Variants in ACAP2 observed in about 807,000 individuals in gnomAD.
The protein encoded by ACAP2 is ArfGAP with coiled-coil, ankyrin repeat and PH domains 2.
Under a neutral mutation model 115.8 loss-of-function variants are expected in ACAP2, and 39 were observed. The observed-to-expected ratio is 0.34, with a 90% confidence interval of 0.26 to 0.44. The LOEUF (loss-of-function observed/expected upper bound fraction) is 0.44, where lower values mean the gene tolerates loss of function less well. ACAP2 is among the 20% of genes least tolerant of loss of function. The probability of loss-of-function intolerance (pLI) is 1.00; values close to 1 mark genes in which losing one functional copy is unlikely to be tolerated. For missense variants in ACAP2, 662 were observed against 927.6 expected, an observed-to-expected ratio of 0.71 and a Z score of 3.72; for synonymous variants, 289 against 315.8, an observed-to-expected ratio of 0.92 and a Z score of 0.90.
chr3:195,287,463 C>G lies in ACAP2; in HGVS notation c.2175-1606G>C, dbSNP rs1726919385. On this transcript the variant is annotated intron_variant, in intron 21 of 22. Coordinates refer to ENST00000326793, the MANE Select transcript of ACAP2 (RefSeq NM_012287.6). The stretch of plus-strand genomic sequence containing the variant: ...CCTCCCAAGTAGCTACGACTACACG[C>G]ATGTGCCACCACACCCGGCTAATTT... Among the ~76,000 whole-genome samples, 5 of 151,838 alleles carry G rather than the reference C, an allele frequency of 3.3e-5. No homozygotes were observed. In the South Asian group the frequency reaches 1.0e-3, roughly 32 times the overall value.
intron 18 of ACAP2, among the ~76,000 whole-genome samples, chr3:195,293,171 G>A (rs1447924313): frequency 6.6e-6 from 1 of 152,088 alleles, no homozygotes; most frequent in African/African-American, 2.4e-5. Flanking sequence ...TTAAAATTGA[G>A]TATATTCCTA....
chr3:195,360,984 CAAAAA>C (rs34043043), intron 4 of ACAP2, among the ~76,000 whole-genome samples: 1 of 98,164 alleles, frequency 1.0e-5, no homozygotes, highest in Non-Finnish European at 2.2e-5. Context: ...GTAAGAAACT[CAAAAA>C]AAAAAAAAAA....
At chr3:195,354,806 T>C (rs1446503848) in intron 4 of ACAP2, among the ~76,000 whole-genome samples, 1 of 152,246 alleles carries the variant, frequency 6.6e-6, no homozygotes, top group Non-Finnish European at 1.5e-5. Context: ...AAATTTTCTA[T>C]ACACTTGAAT....
intron 1 of ACAP2, among the ~76,000 whole-genome samples, chr3:195,426,339 G>A (rs1445639585): frequency 1.3e-5 from 2 of 152,134 alleles, no homozygotes; most frequent in Non-Finnish European, 2.9e-5. Flanking sequence ...GGGTTTCCAG[G>A]TGGAGATGAC....
intron 22 of ACAP2, chr3:195,280,655 T>C (rs1167665094): frequency 1.3e-5 from 2 of 151,784 alleles, no homozygotes; most frequent in East Asian, 1.9e-4. Flanking sequence ...TACCGAGAAA[T>C]AGATTATAGA....
intron 16 of ACAP2, among the ~76,000 whole-genome samples, chr3:195,296,764 T>C (rs1050799892): frequency 2.1e-4 from 32 of 152,216 alleles, no homozygotes; most frequent in African/African-American, 7.7e-4. Context: ...TTCAATATTA[T>C]AATGCCATGC....
intron 1 of ACAP2, among the ~76,000 whole-genome samples, chr3:195,409,482 T>C (rs746885886): frequency 6.6e-6 from 1 of 152,100 alleles, no homozygotes; most frequent in Admixed American, 6.6e-5. Context: ...CCCATGTTAA[T>C]GAATTGGAAG....
intron 7 of ACAP2, chr3:195,336,538 A>C (rs577147121): frequency 1.3e-5 from 2 of 156,182 alleles, no homozygotes; most frequent in African/African-American, 2.4e-5. Flanking sequence ...TAAAAACCTA[A>C]GTGTAACAGT....
At chr3:195,361,798 A>G (rs567176883) in intron 4 of ACAP2, among the ~76,000 whole-genome samples, 5 of 152,220 alleles carry the variant, frequency 3.3e-5, no homozygotes, top group South Asian at 2.1e-4. Context: ...CTAAGAAAAG[A>G]GAAGACCAAA....
intron 1 of ACAP2, among the ~76,000 whole-genome samples, chr3:195,404,375 T>C (rs1712562163): frequency 6.6e-6 from 1 of 152,184 alleles, no homozygotes; most frequent in Non-Finnish European, 1.5e-5. Flanking sequence ...CCTGATATTT[T>C]TGATGAACCA....
intron 14 of ACAP2, 143 bp from the exon 15 acceptor site, chr3:195,301,787 G>T: frequency 8.9e-7 from 1 of 1,120,484 alleles, no homozygotes; most frequent in South Asian, 1.5e-5. Context: ...AATGAATGAT[G>T]AACCAAAGTC....
chr3:195,423,614 CT>C (rs1714364446), intron 1 of ACAP2, among the ~76,000 whole-genome samples: 1 of 126,436 alleles, frequency 7.9e-6, no homozygotes, highest in Non-Finnish European at 1.6e-5. Flanking sequence ...CAAAGTAAGA[CT>C]CCGTCTCAAA....
intron 1 of ACAP2, among the ~76,000 whole-genome samples, chr3:195,402,042 C>A (rs1560332253): frequency 6.6e-6 from 1 of 152,174 alleles, no homozygotes; most frequent in Non-Finnish European, 1.5e-5. Context: ...CCACCATTTC[C>A]ACAGAGCACT....
rs899601429 is a variant in ACAP2, at chr3:195,277,309, C to T, written c.*2019G>A. Reference sequence around the variant, plus strand: ...TCAAGGTACATGCTAATAAAAACTACAAATCAGATTTTTGCCTTTAGTGAA... The same window carrying T: ...TCAAGGTACATGCTAATAAAAACTATAAATCAGATTTTTGCCTTTAGTGAA... On this transcript the variant is annotated 3_prime_UTR_variant, in exon 23 of 23. Coordinates refer to ENST00000326793, the MANE Select transcript of ACAP2 (RefSeq NM_012287.6). 5 of 152,188 alleles carry T rather than the reference C, an allele frequency of 3.3e-5. No homozygotes were observed. The highest frequency in any genetic ancestry group is 1.2e-4 in the African/African-American group (5 of 41,428). 9.4% of individuals were successfully genotyped at this position (152,188 alleles called of 1,614,324 possible). A position where few individuals can be genotyped will look rare whatever the true frequency, so the allele number is the denominator to read the frequency against.
chr3:195,277,797 T>TA lies in ACAP2; in HGVS notation c.*1530_*1531insT, dbSNP rs1726233529. ...CAATGGGAAGGAATCAAAAGGCAAA[T>TA]TAGGCTGGGTGCGGTGGCTCACGCC... On this transcript the variant is annotated 3_prime_UTR_variant, in exon 23 of 23. Transcript: ENST00000326793. The TA allele has an allele frequency of 6.6e-6, 1 of 151,592 alleles. No homozygotes were observed. The highest frequency in any genetic ancestry group is 6.6e-5 in the Admixed American group (1 of 15,256). The allele number at this position is 151,592 out of a possible 1,614,324, so 9.4% of individuals were successfully genotyped here. A position where few individuals can be genotyped will look rare whatever the true frequency, so the allele number is the denominator to read the frequency against.
At chr3:195,437,541 C>T (rs1223586038) in intron 1 of ACAP2, among the ~76,000 whole-genome samples, 1 of 151,994 alleles carries the variant, frequency 6.6e-6, no homozygotes, top group Admixed American at 6.6e-5. Flanking sequence ...TGAGTCTGGT[C>T]GAGGTGGCTC....
intron 1 of ACAP2, among the ~76,000 whole-genome samples, chr3:195,404,512 A>C (rs758195207): frequency 5.9e-5 from 9 of 152,100 alleles, no homozygotes; most frequent in Non-Finnish European, 7.4e-5. Context: ...GAGTTGTAAC[A>C]TTCAGGAAGA....
rs1560211744 is a variant in ACAP2 at position 195,295,900 on chromosome 3, A to G, written c.1488-8T>C. The G allele has an allele frequency of 6.2e-7, 1 of 1,600,780 alleles. No individual in the cohort carries two copies. The highest frequency in any genetic ancestry group is 1.3e-5 in the African/African-American group (1 of 74,278). On this transcript the variant is annotated splice_region_variant and splice_polypyrimidine_tract_variant and intron_variant, in intron 16 of 22. Coordinates refer to ENST00000326793, the MANE Select transcript of ACAP2 (RefSeq NM_012287.6). The stretch of plus-strand genomic sequence containing the variant: ...TATGCCTCCTTCTCCTGTCTGACAG[A>G]CATAAAAATGTCATGATGTTTTGCT...
intron 10 of ACAP2, among the ~76,000 whole-genome samples, chr3:195,314,199 G>GTT (rs767973183): frequency 1.6e-5 from 2 of 125,100 alleles, no homozygotes; most frequent in African/African-American, 2.9e-5. Context: ...AAATTTTGTT[G>GTT]TTTTTTTTTT....
Sources: gnomAD v4.1 joint callset for allele counts (sites outside exome capture counted in the v4.1 genomes callset) on GRCh38, gnomAD v4.1.1 for gene constraint, MANE v1.5 for transcripts, NCBI Gene and HGNC (gene_info 2026-07-23, HGNC 2026-07-21) for gene names.